KIAA0232: variants seen among roughly 807,000 people sequenced by gnomAD.
KIAA0232 encodes the protein KIAA0232, also known as uncharacterized protein KIAA0232.
A neutral mutation model predicts 122.0 loss-of-function variants in KIAA0232; 27 were observed. The ratio of observed to expected loss-of-function variants is 0.22; its 90% CI spans 0.16 to 0.31. The LOEUF (loss-of-function observed/expected upper bound fraction) is 0.31. KIAA0232 is among the 10% of genes least tolerant of loss of function. The probability of loss-of-function intolerance (pLI) is 1.00; values close to 1 mark genes in which losing one functional copy is unlikely to be tolerated. For missense variants in KIAA0232, 1,551 were observed against 1,634.2 expected (o/e 0.95, Z 0.88); for synonymous variants, 613 against 587.6 (o/e 1.04, Z -0.63).
chr4:6,817,743 T>G (rs771967411), intron 2 of KIAA0232, among the ~76,000 whole-genome samples: 3 of 152,238 alleles, frequency 2.0e-5, no homozygotes, highest in Non-Finnish European at 4.4e-5. Flanking sequence ...TGTGTATTTC[T>G]TCTTGCAGTG....
chr4:6,870,789 G>A (rs1221745401), intron 7 of KIAA0232, among the ~76,000 whole-genome samples: 2 of 143,006 alleles, frequency 1.4e-5, no homozygotes, highest in African/African-American at 5.3e-5. Flanking sequence ...GTGACAGAGT[G>A]AGACTCTGTC....
chr4:6,799,243 A>G (rs190595798), intron 1 of KIAA0232, among the ~76,000 whole-genome samples: 32 of 150,716 alleles, frequency 2.1e-4, no homozygotes, highest in Non-Finnish European at 4.0e-4. Flanking sequence ...TTATAAGGAC[A>G]TCAGATCATT....
intron 5 of KIAA0232, among the ~76,000 whole-genome samples, chr4:6,857,479 A>G (rs1386974121): frequency 1.3e-5 from 2 of 152,172 alleles, no homozygotes; most frequent in African/African-American, 4.8e-5. Context: ...GCCCTCAGAG[A>G]TAGGAAACAC....
At position 6,841,997 on chromosome 4, in the gene KIAA0232, G is replaced by A. The variant is rs1719688775; in HGVS notation, c.232-70G>A. 2.6e-6 allele frequency: 4 copies of A among 1,551,494 alleles called. No homozygotes were observed. The East Asian group carries it at 7.0e-5, about 27-fold the overall frequency. ...AAGGGGCCTTTTTGTGACTGAGTGT[G>A]TGTGGTAGGTGGAACATAGTAGTGT... is the stretch of plus-strand genomic sequence containing the variant. On this transcript the variant is annotated intron_variant, in intron 3 of 9. Transcript: ENST00000307659.
intron 3 of KIAA0232, among the ~76,000 whole-genome samples, chr4:6,824,913 T>G (rs922266717): frequency 6.6e-6 from 1 of 152,230 alleles, no homozygotes; most frequent in Admixed American, 6.5e-5. Flanking sequence ...TTCTCACTGT[T>G]GGTTACGTTT....
chr4:6,789,095 C>T (rs746763912), intron 1 of KIAA0232, among the ~76,000 whole-genome samples: 7 of 152,014 alleles, frequency 4.6e-5, no homozygotes, highest in African/African-American at 7.2e-5. Context: ...CTCAGCTTCC[C>T]GAGTAGCTGG....
Position 6,861,784 on chromosome 4 carries a change from G to T in KIAA0232, c.1402G>T (p.Gly468Cys). 1 of 1,614,038 alleles carries T rather than the reference G, an allele frequency of 6.2e-7. No individual in the cohort carries two copies. The highest frequency in any genetic ancestry group is 8.5e-7 in the Non-Finnish European group (1 of 1,180,018). Residue 468 changes from glycine (G) to cysteine (C), a missense_variant, in exon 7 of 10, where the codon GGT (glycine) becomes TGT (cysteine). Transcript: ENST00000307659. Reference sequence around the variant, plus strand: ...CCTCGCAGCAGGTACTTTCATTGATGGTCATTTTGTAGAAATGCCTGCAGT... The same window carrying T: ...CCTCGCAGCAGGTACTTTCATTGATTGTCATTTTGTAGAAATGCCTGCAGT... ...TYLAAGTFID[G>C]HFVEMPAVIN...
At chr4:6,839,619 G>A (rs1719536858) in intron 3 of KIAA0232, among the ~76,000 whole-genome samples, 1 of 152,188 alleles carries the variant, frequency 6.6e-6, no homozygotes, top group Admixed American at 6.5e-5. Context: ...ACAGAAATAG[G>A]AGGGGCCTGA....
At chr4:6,794,726 C>T (rs773432501) in intron 1 of KIAA0232, among the ~76,000 whole-genome samples, 11 of 152,118 alleles carry the variant, frequency 7.2e-5, no homozygotes, top group Non-Finnish European at 1.6e-4. Context: ...GATGAAGGTA[C>T]ACCTAAGAGG....
In KIAA0232 at chr4:6,857,208, G is replaced by C. The variant is rs79565022; in HGVS notation, c.414G>C (p.Leu138=). Residue 138 remains leucine, a synonymous_variant, in exon 5 of 10, where the codon CTG becomes CTC. Coordinates refer to ENST00000307659, the MANE Select transcript of KIAA0232 (RefSeq NM_014743.3). ...ETLVEELCSR[L]KDLQSKQEEK... ...TAGTGGAGGAGCTCTGCTCCAGACTGAAAGACCTTCAGAGTAAGCAAGGTG... is the reference window on the plus strand; with the variant it reads ...TAGTGGAGGAGCTCTGCTCCAGACTCAAAGACCTTCAGAGTAAGCAAGGTG... 7.4e-4 allele frequency: 1,185 copies of C among 1,612,004 alleles called. 7 individuals are homozygous for C. In the African/African-American group the frequency reaches 0.014, roughly 19 times the overall value.
intron 3 of KIAA0232, among the ~76,000 whole-genome samples, chr4:6,831,676 GCAACCCA>G (rs1718989590): frequency 4.6e-5 from 7 of 152,182 alleles, no homozygotes; most frequent in Admixed American, 4.6e-4. Context: ...AAGATTACTG[GCAACCCA>G]GAAGCCCCCC....
chr4:6,802,128 G>T (rs1321752873), intron 1 of KIAA0232, among the ~76,000 whole-genome samples: 3 of 152,176 alleles, frequency 2.0e-5, no homozygotes, highest in South Asian at 2.1e-4. Context: ...GGGCTTGCTC[G>T]TAGGGTCCAG....
rs1322445425 is a variant in KIAA0232 at position 6,864,086 on chromosome 4, A to G, written c.3704A>G (p.Gln1235Arg). 2.5e-6 allele frequency: 4 copies of G among 1,614,202 alleles called. No homozygotes were observed. In the East Asian group the frequency reaches 8.9e-5, roughly 36 times the overall value. The change falls in exon 7 of 10, where the codon CAA becomes CGA. Residue 1235 changes from glutamine (Q) to arginine (R), a missense_variant. By Grantham distance (43) the Gln-to-Arg change is conservative (BLOSUM62 1). Around this residue, in one of 5 missense-constraint regions of KIAA0232, gnomAD observed 1,108 missense variants for 1,154.8 expected, o/e 0.96. Transcript: ENST00000307659. The stretch of plus-strand genomic sequence containing the variant: ...GAAGCAAATTGTAAAATAATGGCAC[A>G]ATGCGAGGAAGAAATTAATAATTTT... ...SSEANCKIMA[Q>R]CEEEINNFCG...
At chr4:6,808,933 G>A (rs1717755045) in intron 2 of KIAA0232, among the ~76,000 whole-genome samples, 1 of 152,170 alleles carries the variant, frequency 6.6e-6, no homozygotes, top group African/African-American at 2.4e-5. Context: ...AAGCCTATTT[G>A]ATGAGGAACC....
chr4:6,809,832 A>G (rs983267392), intron 2 of KIAA0232, among the ~76,000 whole-genome samples: 2 of 152,166 alleles, frequency 1.3e-5, no homozygotes, highest in African/African-American at 4.8e-5. Flanking sequence ...ACCATTTACA[A>G]TAGCTATAAA....
intron 2 of KIAA0232, among the ~76,000 whole-genome samples, chr4:6,819,706 A>T (rs1242279241): frequency 2.6e-5 from 4 of 152,154 alleles, no homozygotes; most frequent in African/African-American, 9.7e-5. Context: ...TTCTCAAAGA[A>T]CTTAAAACAG....
chr4:6,841,617 A>T (rs1039034125), intron 3 of KIAA0232, among the ~76,000 whole-genome samples: 2 of 152,210 alleles, frequency 1.3e-5, no homozygotes, highest in African/African-American at 4.8e-5. Context: ...ATTGAAAAGG[A>T]AGAAGTAAGA....
intron 7 of KIAA0232, among the ~76,000 whole-genome samples, chr4:6,866,626 G>A (rs944937946): frequency 7.2e-5 from 11 of 152,178 alleles, no homozygotes; most frequent in African/African-American, 2.7e-4. Context: ...TGGGAGGCCT[G>A]TTTAAAGATC....
intron 7 of KIAA0232, 81 bp from the exon 8 acceptor site, chr4:6,871,493 C>T (rs1202566552): frequency 1.3e-6 from 1 of 784,176 alleles, no homozygotes; most frequent in Admixed American, 2.3e-5. Context: ...GGTTTATAAT[C>T]TGTAGTTAAT....
Sources: allele counts gnomAD v4.1 joint callset (sites outside exome capture counted in the v4.1 genomes callset), GRCh38; gene constraint gnomAD v4.1.1; regional missense constraint gnomAD v4.1.1; transcripts MANE v1.5; gene names NCBI Gene and HGNC (gene_info 2026-07-23, HGNC 2026-07-21).